Variants in TEX36 observed in about 807,000 individuals in gnomAD.
TEX36 encodes testis-expressed protein 36.
A neutral mutation model predicts 13.6 loss-of-function variants in TEX36; 12 were observed. That is an observed-to-expected ratio of 0.88 (90% CI 0.56 to 1.43). The LOEUF is 1.43. Ranked by LOEUF, TEX36 falls within the 40% of genes most tolerant of loss-of-function variation. The pLI is 0.00. For synonymous variants in TEX36, 93 were observed against 83.0 expected (o/e 1.12, Z -0.65); for missense variants, 224 against 228.3 (o/e 0.98, Z 0.12).
chr10:125,583,876 C>T (rs1001190406), intron 3 of TEX36, among the ~76,000 whole-genome samples: 1 of 152,178 alleles, frequency 6.6e-6, no homozygotes, highest in Non-Finnish European at 1.5e-5. Context: ...TGTACTCCAG[C>T]CTTTTCATCC....
chr10:125,581,653 CT>C (rs1368887394), intron 3 of TEX36, among the ~76,000 whole-genome samples: 3 of 152,200 alleles, frequency 2.0e-5, no homozygotes, highest in Non-Finnish European at 4.4e-5. Context: ...CAGTCTCTGC[CT>C]TTTTCCCCCC....
chr10:125,669,981 T>G (rs1049255219), intron 1 of TEX36, among the ~76,000 whole-genome samples: 12 of 152,248 alleles, frequency 7.9e-5, no homozygotes, highest in African/African-American at 2.9e-4. Flanking sequence ...TACATTTTCT[T>G]TATCCAGTCT....
At chr10:125,661,823 A>G (rs755355754) in intron 2 of TEX36, 23 bp downstream of exon 2, 1 of 1,551,572 alleles carries the variant, frequency 6.4e-7, no homozygotes, top group South Asian at 1.2e-5. Flanking sequence ...AGCACATGGC[A>G]GTGGCCAGTG....
At chr10:125,673,710 C>CA (rs3064205) in intron 1 of TEX36, among the ~76,000 whole-genome samples, 1,135 of 67,210 alleles carry the variant, frequency 0.017, 14 homozygotes, top group Non-Finnish European at 0.023. Context: ...GACTCTCTCT[C>CA]AAAAAAAAAA....
intron 3 of TEX36, among the ~76,000 whole-genome samples, chr10:125,624,714 A>G (rs1311251493): frequency 6.6e-6 from 1 of 151,986 alleles, no homozygotes; most frequent in East Asian, 1.9e-4. Flanking sequence ...AGCAGCAGAA[A>G]CAGAAACTGT....
chr10:125,668,523 T>C (rs1440492432), intron 1 of TEX36, among the ~76,000 whole-genome samples: 1 of 152,138 alleles, frequency 6.6e-6, no homozygotes, highest in Non-Finnish European at 1.5e-5. Flanking sequence ...TAATAAAAGA[T>C]CTCCACAGAT....
chr10:125,640,174 A>G (rs1443906451), intron 3 of TEX36: 2 of 985,490 alleles, frequency 2.0e-6, no homozygotes, highest in Non-Finnish European at 2.4e-6. Flanking sequence ...CAAGTGGAGT[A>G]GAAATCATTG....
intron 1 of TEX36, among the ~76,000 whole-genome samples, chr10:125,676,561 T>C (rs1430890141): frequency 1.3e-5 from 2 of 152,164 alleles, no homozygotes; most frequent in African/African-American, 2.4e-5. Flanking sequence ...TTTTTTTAAA[T>C]TCCATTCAGC....
At chr10:125,623,653 C>G (rs566705690) in intron 3 of TEX36, among the ~76,000 whole-genome samples, 3 of 151,178 alleles carry the variant, frequency 2.0e-5, no homozygotes, top group Non-Finnish European at 4.4e-5. Context: ...CAGGAAGGTG[C>G]GAGGCCCTGT....
intron 3 of TEX36, among the ~76,000 whole-genome samples, chr10:125,613,257 AT>A (rs1846313459): frequency 1.2e-5 from 1 of 85,220 alleles, no homozygotes; most frequent in South Asian, 3.4e-4. Context: ...TTATTTATTT[AT>A]TTATTTATTT....
intron 3 of TEX36, among the ~76,000 whole-genome samples, chr10:125,640,896 T>G (rs1262503557): frequency 6.6e-6 from 1 of 152,150 alleles, no homozygotes; most frequent in Non-Finnish European, 1.5e-5. Context: ...GATTCTTCCC[T>G]GTACTCAACA....
chr10:125,638,422 AAGGTCTC>A (rs888322160), intron 3 of TEX36, among the ~76,000 whole-genome samples: 2 of 152,180 alleles, frequency 1.3e-5, no homozygotes, highest in African/African-American at 4.8e-5. Context: ...GCAGTGAGAG[AAGGTCTC>A]AGCTCAACGC....
At chr10:125,590,707 G>T (rs1245687154) in intron 3 of TEX36, among the ~76,000 whole-genome samples, 1 of 152,072 alleles carries the variant, frequency 6.6e-6, no homozygotes, top group African/African-American at 2.4e-5. Context: ...TTGGAAAAAA[G>T]CACTATATAG....
intron 3 of TEX36, among the ~76,000 whole-genome samples, chr10:125,628,196 G>A (rs941991121): frequency 2.0e-5 from 3 of 152,216 alleles, no homozygotes; most frequent in Admixed American, 6.5e-5. Context: ...TGTGCTTGTC[G>A]TGGAAGGGAG....
intron 1 of TEX36, among the ~76,000 whole-genome samples, chr10:125,666,334 T>TAAA (rs1847121354): frequency 6.6e-6 from 1 of 152,218 alleles, no homozygotes; most frequent in Non-Finnish European, 1.5e-5. Context: ...AGCTGTGGGT[T>TAAA]GGCTGTATAT....
At chr10:125,585,723 C>T (rs772889784) in intron 3 of TEX36, among the ~76,000 whole-genome samples, 12 of 152,222 alleles carry the variant, frequency 7.9e-5, no homozygotes, top group Non-Finnish European at 1.8e-4. Context: ...CTTTTGTGTA[C>T]AGTCATGTTT....
At chr10:125,615,095 G>A (rs1477074328) in intron 3 of TEX36, among the ~76,000 whole-genome samples, 1 of 152,144 alleles carries the variant, frequency 6.6e-6, no homozygotes, top group African/African-American at 2.4e-5. Context: ...TCTGTTGTTG[G>A]TGTATAAGAA....
intron 3 of TEX36, among the ~76,000 whole-genome samples, chr10:125,595,801 C>T (rs760228744): frequency 2.0e-5 from 3 of 152,204 alleles, no homozygotes; most frequent in Non-Finnish European, 4.4e-5. Context: ...CCTCCTTCCC[C>T]TGTTTACTTC....
At chr10:125,671,771 T>A (rs1001725680) in intron 1 of TEX36, among the ~76,000 whole-genome samples, 4 of 152,196 alleles carry the variant, frequency 2.6e-5, no homozygotes, top group Non-Finnish European at 4.4e-5. Context: ...TGAGCTTTGT[T>A]TGGTTGGTAG....
Sources: gnomAD v4.1 joint callset for allele counts (sites outside exome capture counted in the v4.1 genomes callset) on GRCh38, gnomAD v4.1.1 for gene constraint, MANE v1.5 for transcripts, NCBI Gene and HGNC (gene_info 2026-07-23, HGNC 2026-07-21) for gene names.